Variants in MAGI2 observed in about 807,000 individuals in gnomAD.
The protein encoded by MAGI2 is membrane-associated guanylate kinase, WW and PDZ domain-containing protein 2.
Under a neutral mutation model 133.3 loss-of-function variants are expected in MAGI2, and 35 were observed. The observed-to-expected ratio is 0.26, with a 90% CI of 0.20 to 0.35. The LOEUF (loss-of-function observed/expected upper bound fraction) is 0.35. Among genes scored for constraint, MAGI2 ranks in the 10% least tolerant of loss-of-function variants. The pLI, the probability that MAGI2 is intolerant of heterozygous loss-of-function variation, is 1.00. For synonymous variants in MAGI2, 729 were observed against 710.6 expected (o/e 1.03, Z -0.41); for missense variants, 1,636 against 1,863.4 (o/e 0.88, Z 2.25).
chr7:79,258,650 T>A (rs1334732744), intron 1 of MAGI2, among the ~76,000 whole-genome samples: 2 of 152,234 alleles, frequency 1.3e-5, no homozygotes, highest in Admixed American at 6.5e-5. Context: ...GATGGTGTTA[T>A]GTTTTGTTGC....
At chr7:78,458,842 G>C (rs1179175828) in intron 6 of MAGI2, among the ~76,000 whole-genome samples, 1 of 152,146 alleles carries the variant, frequency 6.6e-6, no homozygotes, top group East Asian at 1.9e-4. Context: ...CTCCGTGTTA[G>C]CCAGGATGGT....
chr7:78,611,713 A>C (rs1443341675), intron 3 of MAGI2, among the ~76,000 whole-genome samples: 2 of 152,234 alleles, frequency 1.3e-5, no homozygotes, highest in Non-Finnish European at 2.9e-5. Context: ...AAACAATTCC[A>C]TTAGACAATC....
At position 78,019,653 on chromosome 7, in the gene MAGI2, C is replaced by A. The variant is rs780218819; in HGVS notation, c.4030G>T (p.Ala1344Ser). 3 of 1,160,436 alleles carry A rather than the reference C, an allele frequency of 2.6e-6. No homozygotes were observed. The highest frequency in any genetic ancestry group is 3.2e-6 in the Non-Finnish European group (3 of 945,768). The allele number at this position is 1,160,436 out of a possible 1,614,324, so 71.9% of individuals were successfully genotyped here. Residue 1344 changes from alanine to serine, a missense_variant, in exon 22 of 22, where the codon GCC (alanine) becomes TCC (serine). Around this residue, in one of 5 missense-constraint regions of MAGI2, gnomAD observed 354 missense variants for 298.7 expected, o/e 1.19. Coordinates refer to ENST00000354212, the MANE Select transcript of MAGI2 (RefSeq NM_012301.4). ...AGCCCGGGCGCCCTGGCCTCCGAGG[C>A]GGGCCTGCCGGCCTCGGGCCGCCCC... Reference protein sequence around the residue: ...GQGRPEAGRPASEARAPGLAA... With the variant: ...GQGRPEAGRPSSEARAPGLAA...
At chr7:78,031,505 C>T (rs1427280039) in intron 21 of MAGI2, among the ~76,000 whole-genome samples, 1 of 152,068 alleles carries the variant, frequency 6.6e-6, no homozygotes, top group East Asian at 1.9e-4. Context: ...CCTCTGTGTC[C>T]CTCACCATTG....
intron 2 of MAGI2, among the ~76,000 whole-genome samples, chr7:78,963,810 T>C (rs1803072065): frequency 6.6e-6 from 1 of 152,086 alleles, no homozygotes; most frequent in Admixed American, 6.6e-5. Context: ...AGACCTAATT[T>C]CTGGTGTTGG....
intron 2 of MAGI2, among the ~76,000 whole-genome samples, chr7:78,995,129 T>C (rs901413749): frequency 6.6e-6 from 1 of 151,940 alleles, no homozygotes; most frequent in Admixed American, 6.6e-5. Context: ...AGAATTGTCT[T>C]GGGCCACACT....
chr7:78,629,957 T>A (rs542382630), intron 2 of MAGI2, among the ~76,000 whole-genome samples: 29 of 152,048 alleles, frequency 1.9e-4, no homozygotes, highest in African/African-American at 7.0e-4. Context: ...TAGAATTTTA[T>A]ATTTTAAATC....
intron 1 of MAGI2, among the ~76,000 whole-genome samples, chr7:79,213,381 A>C (rs1041350480): frequency 6.6e-6 from 1 of 151,680 alleles, no homozygotes; most frequent in Non-Finnish European, 1.5e-5. Context: ...ATGGAGAATC[A>C]CTATATTGCC....
At chr7:78,286,278 T>C (rs1217947454) in intron 9 of MAGI2, among the ~76,000 whole-genome samples, 1 of 152,160 alleles carries the variant, frequency 6.6e-6, no homozygotes, top group African/African-American at 2.4e-5. Flanking sequence ...TAAGAGACAT[T>C]ACAAATATCC....
chr7:79,424,631 T>C (rs900755569), intron 1 of MAGI2, among the ~76,000 whole-genome samples: 11 of 152,184 alleles, frequency 7.2e-5, no homozygotes, highest in Non-Finnish European at 1.5e-4. Flanking sequence ...CATTCCACAA[T>C]GTATGTATAC....
chr7:78,153,140 G>T (rs118011254), intron 16 of MAGI2, among the ~76,000 whole-genome samples: 2,226 of 152,290 alleles, frequency 0.015, 31 homozygotes, highest in Non-Finnish European at 0.022. Flanking sequence ...ATAAGCACCA[G>T]TTGCATCTAT....
At chr7:78,957,281 AAAAAG>A (rs1297420171) in intron 2 of MAGI2, among the ~76,000 whole-genome samples, 4 of 150,138 alleles carry the variant, frequency 2.7e-5, no homozygotes, top group Non-Finnish European at 4.4e-5. Flanking sequence ...AAAAAAAAAA[AAAAAG>A]AAAAGAAAAG....
At chr7:78,624,871 G>T (rs1201243284) in intron 3 of MAGI2, among the ~76,000 whole-genome samples, 1 of 152,116 alleles carries the variant, frequency 6.6e-6, no homozygotes, top group Non-Finnish European at 1.5e-5. Context: ...GATAATTACT[G>T]TATTTTACTT....
chr7:79,368,164 T>C (rs1165297722), intron 1 of MAGI2, among the ~76,000 whole-genome samples: 3 of 151,982 alleles, frequency 2.0e-5, no homozygotes, highest in African/African-American at 7.2e-5. Flanking sequence ...GAGAGTCCTT[T>C]TCATCATAAT....
At chr7:78,664,439 A>G (rs1186987888) in intron 2 of MAGI2, among the ~76,000 whole-genome samples, 2 of 152,126 alleles carry the variant, frequency 1.3e-5, no homozygotes, top group African/African-American at 2.4e-5. Flanking sequence ...ATTGGCAGTC[A>G]TAACTTCCAT....
At chr7:79,149,118 A>G (rs1822947862) in intron 1 of MAGI2, among the ~76,000 whole-genome samples, 1 of 144,366 alleles carries the variant, frequency 6.9e-6, no homozygotes, top group Non-Finnish European at 1.5e-5. Flanking sequence ...ATTATATTAT[A>G]TATAATATAA....
At chr7:78,538,195 T>C (rs1253985401) in intron 3 of MAGI2, among the ~76,000 whole-genome samples, 1 of 152,222 alleles carries the variant, frequency 6.6e-6, no homozygotes, top group East Asian at 1.9e-4. Flanking sequence ...TGTGGCTATT[T>C]TTATGCCAGC....
At chr7:78,228,677 G>A (rs763604462) in intron 10 of MAGI2, among the ~76,000 whole-genome samples, 3 of 152,204 alleles carry the variant, frequency 2.0e-5, no homozygotes, top group Non-Finnish European at 4.4e-5. Flanking sequence ...ATCAGTAGAT[G>A]TGGCAAATCT....
intron 2 of MAGI2, among the ~76,000 whole-genome samples, chr7:78,813,521 C>T (rs901235730): frequency 2.0e-5 from 3 of 152,122 alleles, no homozygotes; most frequent in Non-Finnish European, 2.9e-5. Flanking sequence ...CGCGATGGCT[C>T]ACGCCTGTAA....
Sources: allele counts gnomAD v4.1 joint callset (sites outside exome capture counted in the v4.1 genomes callset), GRCh38; gene constraint gnomAD v4.1.1; regional missense constraint gnomAD v4.1.1; transcripts MANE v1.5; gene names NCBI Gene and HGNC (gene_info 2026-07-23, HGNC 2026-07-21).